The following DROSHA variants were observed in gnomAD, a reference collection of about 807,000 sequenced individuals.
DROSHA encodes the protein drosha ribonuclease III, also known as ribonuclease 3.
Under a neutral mutation model 181.9 loss-of-function variants are expected in DROSHA, and 56 were observed. The observed-to-expected ratio is 0.31, with a 90% CI of 0.25 to 0.38. The LOEUF (loss-of-function observed/expected upper bound fraction) is 0.38. Among genes scored for constraint, DROSHA ranks in the 10% least tolerant of loss-of-function variants. The pLI, the probability that DROSHA is intolerant of heterozygous loss-of-function variation, is 1.00. For synonymous variants in DROSHA, 524 were observed against 591.2 expected, an observed-to-expected ratio of 0.89 and a Z score of 1.65; for missense variants, 1,218 against 1,743.5, an observed-to-expected ratio of 0.70 and a Z score of 5.37.
Position 31,526,152 on chromosome 5 carries a change from G to C in DROSHA, c.781C>G (p.Gln261Glu), listed in dbSNP as rs1561298963. 1.2e-6 allele frequency: 2 copies of C among 1,613,834 alleles called. No individual in the cohort carries two copies. The highest frequency in any genetic ancestry group is 1.1e-5 in the South Asian group (1 of 91,050). ...ERGRSPDRRRQDSRYRSDYDR... is the reference protein window; with the variant it reads ...ERGRSPDRRREDSRYRSDYDR... ...TAATCAGATCTGTACCGGCTGTCTT[G>C]TCTTCTCCTGTCGGGACTGCGGCCT... Residue 261 changes from glutamine to glutamate, a missense_variant, in exon 5 of 36, where the codon CAA (glutamine) becomes GAA (glutamate). Physicochemically the swap from Gln to Glu is conservative, Grantham distance 29. This residue lies in a region of DROSHA where 536 missense variants were observed against 535.4 expected (regional missense o/e 1.00). Coordinates refer to ENST00000344624, the MANE Select transcript of DROSHA (RefSeq NM_001382508.1).
At chr5:31,466,976 G>A (rs1032697078) in intron 18 of DROSHA, among the ~76,000 whole-genome samples, 2 of 152,156 alleles carry the variant, frequency 1.3e-5, no homozygotes, top group African/African-American at 4.8e-5. Context: ...GAGAGTCCAC[G>A]AGAGCCTCAT....
chr5:31,419,266 G>A (rs188523473), intron 30 of DROSHA, among the ~76,000 whole-genome samples: 10 of 152,232 alleles, frequency 6.6e-5, no homozygotes, highest in Middle Eastern at 3.4e-3. Flanking sequence ...TGTCTTGCCC[G>A]CAGATCTGCT....
At chr5:31,456,040 C>T (rs1747617825) in intron 20 of DROSHA, among the ~76,000 whole-genome samples, 1 of 152,068 alleles carries the variant, frequency 6.6e-6, no homozygotes, top group South Asian at 2.1e-4. Context: ...GATTTTATAT[C>T]CAGCCAAACT....
At position 31,529,119 on chromosome 5, in the gene DROSHA, A is replaced by G; in HGVS notation, c.-46-14T>C. On this transcript the variant is annotated splice_polypyrimidine_tract_variant and intron_variant, in intron 3 of 35. Coordinates refer to ENST00000344624, the MANE Select transcript of DROSHA (RefSeq NM_001382508.1). ...AGAATATAAGCTCTAAAAAACAGAA[A>G]GAATAAAACAGACATAAACATGTTT... The G allele has an allele frequency of 1.3e-6, 2 of 1,589,480 alleles. No homozygotes were observed. Among genetic ancestry groups the G allele is most frequent in the Non-Finnish European group, 1.7e-6 (2 of 1,166,566 alleles).
At chr5:31,424,718 A>G (rs112538313) in intron 27 of DROSHA, among the ~76,000 whole-genome samples, 58 of 152,296 alleles carry the variant, frequency 3.8e-4, no homozygotes, top group African/African-American at 1.4e-3. Context: ...CAGAAGTCAG[A>G]CACCTTTTAA....
At chr5:31,530,555 C>T (rs1250601212) in intron 3 of DROSHA, among the ~76,000 whole-genome samples, 3 of 151,162 alleles carry the variant, frequency 2.0e-5, no homozygotes, top group African/African-American at 7.3e-5. Flanking sequence ...AATCTCCCAC[C>T]CTAGGCAGAG....
In DROSHA at chr5:31,448,600, G is replaced by A. The variant is rs1428165161; in HGVS notation, c.2829C>T (p.Asn943=). The change falls in exon 23 of 36, where the codon AAC becomes AAT. Residue 943 remains asparagine, a synonymous_variant. Transcript: ENST00000344624. The stretch of plus-strand genomic sequence containing the variant: ...GGCGTGACATGATATTTATCAAGGT[G>A]TTAATCCCTATTTAAAATAAAAAAC... ...HHMHMRKKGI[N]TLINIMSRLG... The A allele has an allele frequency of 4.3e-6, 7 of 1,612,792 alleles. No individual in the cohort carries two copies. The highest frequency in any genetic ancestry group is 5.9e-6 in the Non-Finnish European group (7 of 1,179,158).
In DROSHA at chr5:31,470,553, T is replaced by C. The variant is rs1749615601; in HGVS notation, c.2241+1510A>G. ...CCTTGACAAATTAGTTGAATGATGA[T>C]CATGGTGATCATAAACTTCATCTAT... On this transcript the variant is annotated intron_variant, in intron 17 of 35. Transcript: ENST00000344624. This position sits in a 1 kb window ranked among gnomAD's most constrained non-coding sequence, Gnocchi z 4.0. 6.6e-6 allele frequency among the ~76,000 whole-genome samples: 1 copy of C among 152,122 alleles called. No homozygotes were observed. Among genetic ancestry groups the C allele is most frequent in the African/African-American group, 2.4e-5 (1 of 41,430 alleles).
At chr5:31,458,557 C>T (rs1005660275) in intron 20 of DROSHA, among the ~76,000 whole-genome samples, 3 of 152,242 alleles carry the variant, frequency 2.0e-5, no homozygotes, top group East Asian at 1.9e-4. Context: ...AATAATGTCA[C>T]GTACAAATAA....
intron 19 of DROSHA, 23 bp downstream of exon 19, chr5:31,466,159 A>T: frequency 4.4e-6 from 7 of 1,607,484 alleles, no homozygotes; most frequent in Non-Finnish European, 6.0e-6. Context: ...GTTAATCACC[A>T]AGGAATGGAG....
Position 31,511,049 on chromosome 5 carries a change from A to G in DROSHA, c.1418T>C (p.Leu473Pro). The change falls in exon 9 of 36, where the codon CTC becomes CCC. Residue 473 changes from leucine to proline, a missense_variant. Physicochemically the swap from Leu to Pro is moderately conservative, Grantham distance 98. Coordinates refer to ENST00000344624, the MANE Select transcript of DROSHA (RefSeq NM_001382508.1). ...CTCTGACTCACCTAAATCTTCATCG[A>G]GCTTCGTCTTTGGAGGTTCCCACGG... ...RPPWEPPKTK[L>P]DEDLESSSES... 6.2e-7 allele frequency: 1 copy of G among 1,613,922 alleles called. No individual in the cohort carries two copies. Among genetic ancestry groups the G allele is most frequent in the South Asian group, 1.1e-5 (1 of 91,074 alleles).
Position 31,458,275 on chromosome 5 carries a change from G to T in DROSHA, c.2574+5961C>A, listed in dbSNP as rs541246310. On this transcript the variant is annotated intron_variant, in intron 20 of 35. Coordinates refer to ENST00000344624, the MANE Select transcript of DROSHA (RefSeq NM_001382508.1). ...CCCCATTGTAAGTCAAAGACCATCTGTACTCCCAAACAAACAAGCAACTAT... is the reference window on the plus strand; with the variant it reads ...CCCCATTGTAAGTCAAAGACCATCTTTACTCCCAAACAAACAAGCAACTAT... 1.4e-4 allele frequency among the ~76,000 whole-genome samples: 21 copies of T among 152,306 alleles called. No homozygotes were observed. In the South Asian group the frequency reaches 4.1e-3, roughly 30 times the overall value.
intron 30 of DROSHA, 25 bp from the exon 31 acceptor site, chr5:31,410,912 T>C (rs754536864): frequency 2.1e-5 from 34 of 1,613,016 alleles, no homozygotes; most frequent in African/African-American, 8.0e-5. Context: ...TGGCGGTACA[T>C]TGAGAACACA....
At chr5:31,414,850 C>A (rs1189772114) in intron 30 of DROSHA, among the ~76,000 whole-genome samples, 1 of 152,156 alleles carries the variant, frequency 6.6e-6, no homozygotes, top group Non-Finnish European at 1.5e-5. Flanking sequence ...CAGGTGCTAA[C>A]CTGTCATCAA....
intron 4 of DROSHA, 98 bp from the exon 5 acceptor site, chr5:31,527,010 C>T: frequency 8.9e-7 from 1 of 1,118,092 alleles, no homozygotes; most frequent in Non-Finnish European, 1.3e-6. Flanking sequence ...TGATGAGCAA[C>T]TCAAAGACCC....
chr5:31,455,878 G>T (rs1747598991), intron 20 of DROSHA, among the ~76,000 whole-genome samples: 1 of 152,110 alleles, frequency 6.6e-6, no homozygotes, highest in Non-Finnish European at 1.5e-5. Flanking sequence ...CTGAGCTCAG[G>T]TGATGCACTT....
At chr5:31,499,306 CCA>C (rs1753331020) in intron 11 of DROSHA, among the ~76,000 whole-genome samples, 1 of 152,154 alleles carries the variant, frequency 6.6e-6, no homozygotes, top group Admixed American at 6.5e-5. Context: ...CATCATGCAC[CCA>C]AAACTCCATC....
chr5:31,517,032 C>T (rs1465768703), intron 6 of DROSHA, among the ~76,000 whole-genome samples: 1 of 152,190 alleles, frequency 6.6e-6, no homozygotes, highest in Non-Finnish European at 1.5e-5. Flanking sequence ...CATTTCCACA[C>T]ATCCTGTCAC....
At chr5:31,526,947 T>C in intron 4 of DROSHA, 35 bp from the exon 5 acceptor site, 1 of 1,573,878 alleles carries the variant, frequency 6.4e-7, no homozygotes. Context: ...AAAAGTTTTT[T>C]TAAAAAATAA....
Sources: gnomAD v4.1 joint callset for allele counts (sites outside exome capture counted in the v4.1 genomes callset) on GRCh38, gnomAD v4.1.1 for gene constraint, gnomAD v4.1.1 regional missense constraint, Gnocchi (gnomAD v3.1) non-coding constraint, MANE v1.5 for transcripts, NCBI Gene and HGNC (gene_info 2026-07-23, HGNC 2026-07-21) for gene names.